Variants in PCDHAC2 observed in about 807,000 individuals in gnomAD.
PCDHAC2 encodes the protein protocadherin alpha subfamily C, 2.
PCDHAC2 carries 24 observed loss-of-function variants against 63.3 expected under a neutral mutation model. The ratio of observed to expected loss-of-function variants is 0.38; its 90% CI spans 0.27 to 0.53. The LOEUF (loss-of-function observed/expected upper bound fraction) is 0.53, where lower values mean the gene tolerates loss of function less well. Among genes scored for constraint, PCDHAC2 ranks in the 20% least tolerant of loss-of-function variants. The pLI is 0.81. For missense variants in PCDHAC2, 1,181 were observed against 1,275.2 expected (o/e 0.93, Z 1.12); for synonymous variants, 569 against 529.4 (o/e 1.07, Z -1.03).
At chr5:140,997,740 C>T (rs568361121) in intron 3 of PCDHAC2, among the ~76,000 whole-genome samples, 3 of 151,924 alleles carry the variant, frequency 2.0e-5, no homozygotes, top group African/African-American at 7.2e-5. Flanking sequence ...ATAGATTTGC[C>T]ACAATCTTCT....
At chr5:141,005,627 G>A (rs1051972778) in intron 3 of PCDHAC2, among the ~76,000 whole-genome samples, 1 of 148,378 alleles carries the variant, frequency 6.7e-6, no homozygotes, top group Non-Finnish European at 1.5e-5. Flanking sequence ...GCGTGAACCC[G>A]GGAGGCGGAG....
At chr5:141,008,712 T>G (rs1554261909) in intron 3 of PCDHAC2, among the ~76,000 whole-genome samples, 1 of 152,210 alleles carries the variant, frequency 6.6e-6, no homozygotes, top group Non-Finnish European at 1.5e-5. Flanking sequence ...TCTAGTTGCT[T>G]GAGTGTATGT....
chr5:141,005,691 A>G (rs1481537036), intron 3 of PCDHAC2, among the ~76,000 whole-genome samples: 1 of 134,408 alleles, frequency 7.4e-6, no homozygotes, highest in Non-Finnish European at 1.6e-5. Flanking sequence ...GACAGAGCGA[A>G]ACTCCGTCTC....
Position 141,010,042 on chromosome 5 carries a change from TAGAGACCTCAG to T in PCDHAC2, c.*107_*117del. ...TTTTTCCTATCTACATGAGCCCTCTTAGAGACCTCAGAAATCTGCAGAAAGTTCCCTGTGTC... is the reference window on the plus strand; with the variant it reads ...TTTTTCCTATCTACATGAGCCCTCTTAAATCTGCAGAAAGTTCCCTGTGTC... On this transcript the variant is annotated 3_prime_UTR_variant, in exon 4 of 4. Transcript: ENST00000289269. 6.3e-7 allele frequency: 1 copy of T among 1,594,374 alleles called. No individual in the cohort carries two copies. The highest frequency in any genetic ancestry group is 1.2e-5 in the South Asian group (1 of 86,942).
In PCDHAC2 at chr5:140,971,075, T is replaced by C. The variant is rs560795307; in HGVS notation, c.2565+1744T>C. 1.4e-4 allele frequency among the ~76,000 whole-genome samples: 22 copies of C among 152,322 alleles called. No homozygotes were observed. The South Asian group carries it at 3.7e-3, about 26-fold the overall frequency. ...CTTTAAATAAGGTTGCTGTAGACAT[T>C]TGCTTAACAAATTCTTGTGAAGCCC... is the stretch of plus-strand genomic sequence containing the variant. On this transcript the variant is annotated intron_variant, in intron 1 of 3. Transcript: ENST00000289269.
At position 140,997,696 on chromosome 5, in the gene PCDHAC2, GTA is replaced by G. The variant is rs1328869274; in HGVS notation, c.2714-11929_2714-11928del. On this transcript the variant is annotated intron_variant, in intron 3 of 3. Transcript: ENST00000289269. ...TGTGTGTGTGTGTGTGTGTGTGTGT[GTA>G]TGTTAACAAACACCTTTCTACGTCA... Among the ~76,000 whole-genome samples, 208 of 148,602 alleles carry G rather than the reference GTA, an allele frequency of 1.4e-3. 1 individual carries two copies. Among genetic ancestry groups the G allele is most frequent in the African/African-American group, 4.8e-3 (197 of 40,710 alleles).
At position 140,966,900 on chromosome 5, in the gene PCDHAC2, G is replaced by T; in HGVS notation, c.134G>T (p.Arg45Leu). The T allele has an allele frequency of 6.3e-7, 1 of 1,598,802 alleles. No homozygotes were observed. The highest frequency in any genetic ancestry group is 8.5e-7 in the Non-Finnish European group (1 of 1,176,268). Residue 45 changes from arginine to leucine, a missense_variant, in exon 1 of 4, where the codon CGA (arginine) becomes CTA (leucine). Arg to Leu is a moderately radical substitution (Grantham distance 102). Coordinates refer to ENST00000289269, the MANE Select transcript of PCDHAC2 (RefSeq NM_018899.6). Reference protein sequence around the residue: ...LLPGPAASQLRYSVPEEQAPG... With the variant: ...LLPGPAASQLLYSVPEEQAPG... ...CCTGGCCCTGCGGCCTCCCAGCTGC[G>T]ATACTCTGTGCCAGAGGAGCAGGCA...
At chr5:141,001,974 C>T (rs1375819013) in intron 3 of PCDHAC2, among the ~76,000 whole-genome samples, 1 of 152,136 alleles carries the variant, frequency 6.6e-6, no homozygotes, top group African/African-American at 2.4e-5. Flanking sequence ...TGTCTCTGCG[C>T]GGAAAGCCTG....
intron 1 of PCDHAC2, among the ~76,000 whole-genome samples, chr5:140,971,815 A>G (rs988959952): frequency 3.2e-4 from 49 of 152,166 alleles, no homozygotes; most frequent in African/African-American, 1.1e-3. Flanking sequence ...TATTGAATAC[A>G]TATATGATTT....
At chr5:140,984,859 A>G (rs1368341114) in intron 3 of PCDHAC2, among the ~76,000 whole-genome samples, 1 of 152,046 alleles carries the variant, frequency 6.6e-6, no homozygotes, top group Non-Finnish European at 1.5e-5. Flanking sequence ...TAATAATAAC[A>G]CCTATTTTAT....
chr5:140,972,479 C>T (rs782631191), intron 1 of PCDHAC2, among the ~76,000 whole-genome samples: 1 of 151,994 alleles, frequency 6.6e-6, no homozygotes, highest in Non-Finnish European at 1.5e-5. Flanking sequence ...CAGCATTTAA[C>T]CCCAGACTCT....
rs536777034 is a variant in PCDHAC2 at position 140,985,803 on chromosome 5, G to A, written c.2713+3240G>A. Among the ~76,000 whole-genome samples the A allele has an allele frequency of 1.3e-4, 18 of 139,858 alleles. No individual in the cohort carries two copies. In the East Asian group the frequency reaches 1.8e-3, roughly 14 times the overall value. The allele number at this position is 139,858 out of a possible 152,430, so 91.8% of individuals were successfully genotyped here. A position where few individuals can be genotyped will look rare whatever the true frequency, so the allele number is the denominator to read the frequency against. Reference sequence around the variant, plus strand: ...CGCCCAGGCTGGAGTGCAGTGGCACGATCTCAGCTCACAACAAGCTCTGCC... The same window carrying A: ...CGCCCAGGCTGGAGTGCAGTGGCACAATCTCAGCTCACAACAAGCTCTGCC... On this transcript the variant is annotated intron_variant, in intron 3 of 3. Transcript: ENST00000289269.
chr5:141,011,501 A>G lies in PCDHAC2; in HGVS notation c.*1564A>G, dbSNP rs548038544. ...ATATTTCCTTTTGTACACCTGTGAA[A>G]AAGTGGAGTAGTGTTTTTTTAACCA... On this transcript the variant is annotated 3_prime_UTR_variant, in exon 4 of 4. Coordinates refer to ENST00000289269, the MANE Select transcript of PCDHAC2 (RefSeq NM_018899.6). 1.3e-5 allele frequency: 2 copies of G among 153,894 alleles called. No individual in the cohort carries two copies. Among genetic ancestry groups the G allele is most frequent in the African/African-American group, 4.8e-5 (2 of 41,578 alleles). 9.5% of individuals were successfully genotyped at this position (153,894 alleles called of 1,614,324 possible).
Position 140,982,486 on chromosome 5 carries a change from T to C in PCDHAC2, c.2636T>C (p.Leu879Pro). ...LRAGMHSSVH[L>P]EEAGILRAGP... Reference sequence around the variant, plus strand: ...GTGTGTTTATTCAGCTCTGTGCACCTAGAGGAGGCTGGCATTCTACGGGCT... The same window carrying C: ...GTGTGTTTATTCAGCTCTGTGCACCCAGAGGAGGCTGGCATTCTACGGGCT... Residue 879 changes from leucine to proline, a missense_variant, in exon 3 of 4, where the codon CTA (leucine) becomes CCA (proline). Physicochemically the swap from Leu to Pro is moderately conservative, Grantham distance 98. This residue lies in a region of PCDHAC2 where 968 missense variants were observed against 1,073.5 expected (regional missense o/e 0.90). Coordinates refer to ENST00000289269, the MANE Select transcript of PCDHAC2 (RefSeq NM_018899.6). The C allele has an allele frequency of 6.2e-7, 1 of 1,614,180 alleles. No individual in the cohort carries two copies. Among genetic ancestry groups the C allele is most frequent in the South Asian group, 1.1e-5 (1 of 91,086 alleles).
At chr5:140,969,450 G>A (rs1554231822) in intron 1 of PCDHAC2, 119 bp downstream of exon 1, 4 of 1,511,552 alleles carry the variant, frequency 2.6e-6, no homozygotes, top group Non-Finnish European at 3.6e-6. Flanking sequence ...GGTAAACTGA[G>A]TATATATAGT....
At chr5:140,986,081 A>AT (rs2097186605) in intron 3 of PCDHAC2, among the ~76,000 whole-genome samples, 1 of 152,010 alleles carries the variant, frequency 6.6e-6, no homozygotes, top group South Asian at 2.1e-4. Context: ...CTGTTCATTT[A>AT]TTTTCACAGT....
At chr5:141,000,921 C>T (rs562554000) in intron 3 of PCDHAC2, among the ~76,000 whole-genome samples, 1 of 152,006 alleles carries the variant, frequency 6.6e-6, no homozygotes, top group Non-Finnish European at 1.5e-5. Flanking sequence ...AAAAAAAAAT[C>T]CTGTGTGATT....
chr5:141,002,689 T>C (rs2098092113), intron 3 of PCDHAC2, among the ~76,000 whole-genome samples: 1 of 152,186 alleles, frequency 6.6e-6, no homozygotes, highest in African/African-American at 2.4e-5. Context: ...GACGTGCAGA[T>C]TTGTTTAACT....
chr5:140,978,444 T>G (rs2096802589), intron 1 of PCDHAC2, among the ~76,000 whole-genome samples: 1 of 152,248 alleles, frequency 6.6e-6, no homozygotes, highest in Non-Finnish European at 1.5e-5. Context: ...GTGTTATGAC[T>G]GGGCACATCC....
Sources: gnomAD v4.1 joint callset for allele counts (sites outside exome capture counted in the v4.1 genomes callset) on GRCh38, gnomAD v4.1.1 for gene constraint, gnomAD v4.1.1 regional missense constraint, MANE v1.5 for transcripts, NCBI Gene and HGNC (gene_info 2026-07-23, HGNC 2026-07-21) for gene names.